The following UBE3D variants were observed in gnomAD, a reference collection of about 807,000 sequenced individuals.
UBE3D encodes the protein E3 ubiquitin-protein ligase E3D.
Under a neutral mutation model 49.6 loss-of-function variants are expected in UBE3D, and 48 were observed. The observed-to-expected ratio is 0.97, with a 90% CI of 0.77 to 1.23. UBE3D has a LOEUF of 1.23. Among genes scored for constraint, UBE3D ranks in the 50% most tolerant of loss-of-function variants. UBE3D has a pLI of 0.00. For missense variants in UBE3D, 452 were observed against 468.4 expected, an observed-to-expected ratio of 0.96 and a Z score of 0.32; for synonymous variants, 189 against 174.2, an observed-to-expected ratio of 1.08 and a Z score of -0.67.
At chr6:82,938,931 C>T (rs1003368244) in intron 9 of UBE3D, among the ~76,000 whole-genome samples, 1 of 152,072 alleles carries the variant, frequency 6.6e-6, no homozygotes, top group Admixed American at 6.6e-5. Context: ...CCTATAATCC[C>T]AGCTACATGG....
intron 9 of UBE3D, among the ~76,000 whole-genome samples, chr6:82,895,049 G>A (rs921700515): frequency 2.6e-5 from 4 of 152,098 alleles, no homozygotes; most frequent in South Asian, 2.1e-4. Flanking sequence ...GGCTCACAGT[G>A]GCCTGTAATC....
At chr6:83,025,469 A>G (rs946389388) in intron 5 of UBE3D, among the ~76,000 whole-genome samples, 1 of 152,248 alleles carries the variant, frequency 6.6e-6, no homozygotes, top group Admixed American at 6.5e-5. Flanking sequence ...AAATATTTTA[A>G]AATGATAAGG....
intron 8 of UBE3D, among the ~76,000 whole-genome samples, chr6:82,980,411 C>G (rs1365633967): frequency 6.6e-6 from 1 of 151,942 alleles, no homozygotes; most frequent in East Asian, 1.9e-4. Context: ...TGTCCTTTGC[C>G]CACTTTTTAA....
chr6:82,902,343 ATG>A lies in UBE3D; in HGVS notation c.1150-9303_1150-9302del, dbSNP rs377009377. Among the ~76,000 whole-genome samples, 385 of 152,342 alleles carry A rather than the reference ATG, an allele frequency of 2.5e-3. 1 individual carries two copies. Among genetic ancestry groups the A allele is most frequent in the African/African-American group, 8.9e-3 (370 of 41,580 alleles). On this transcript the variant is annotated intron_variant, in intron 9 of 9. Coordinates refer to ENST00000369747, the MANE Select transcript of UBE3D (RefSeq NM_198920.3). ...TGTTCACATAATAATCTGTACACGA[ATG>A]TTTAAGGCAGCATTATTTTAATAGC...
At chr6:82,932,263 T>C (rs1774216721) in intron 9 of UBE3D, among the ~76,000 whole-genome samples, 1 of 152,168 alleles carries the variant, frequency 6.6e-6, no homozygotes, top group African/African-American at 2.4e-5. Flanking sequence ...TACAGTATCA[T>C]ATAGAGTAGT....
chr6:83,061,725 G>A (rs143288894), intron 1 of UBE3D, among the ~76,000 whole-genome samples: 88 of 152,322 alleles, frequency 5.8e-4, no homozygotes, highest in African/African-American at 1.9e-3. Context: ...AAGGTCATAC[G>A]TGGTGAAAGT....
chr6:82,972,136 A>C (rs549997327), intron 8 of UBE3D, among the ~76,000 whole-genome samples: 1 of 152,304 alleles, frequency 6.6e-6, no homozygotes, highest in African/African-American at 2.4e-5. Context: ...ATGCAACCAC[A>C]GAGTTCCATT....
At chr6:83,025,345 T>C (rs865839306) in intron 5 of UBE3D, among the ~76,000 whole-genome samples, 1 of 152,020 alleles carries the variant, frequency 6.6e-6, no homozygotes, top group African/African-American at 2.4e-5. Context: ...TTAATAGACA[T>C]AAATGTAAAC....
intron 1 of UBE3D, among the ~76,000 whole-genome samples, chr6:83,059,528 A>T (rs1290210098): frequency 6.6e-6 from 1 of 152,198 alleles, no homozygotes; most frequent in Non-Finnish European, 1.5e-5. Context: ...TACCTCAATG[A>T]CTTTCAAACT....
chr6:82,881,655 T>C, the UBE3D span, among the ~76,000 whole-genome samples: 1 of 152,140 alleles, frequency 6.6e-6, no homozygotes. Flanking sequence ...TCTACTGCTT[T>C]TTCCTCCTCT....
At position 82,957,306 on chromosome 6, in the gene UBE3D, G is replaced by A. The variant is rs1298927837; in HGVS notation, c.1149+6C>T. The A allele has an allele frequency of 6.2e-7, 1 of 1,611,442 alleles. No homozygotes were observed. The highest frequency in any genetic ancestry group is 1.3e-5 in the African/African-American group (1 of 74,808). ...ATCACGGCCTAGAAAAGAAGCCATT[G>A]CTCACCTGAAAGGAATTCACACGGC... On this transcript the variant is annotated splice_donor_region_variant and intron_variant, in intron 9 of 9. Coordinates refer to ENST00000369747, the MANE Select transcript of UBE3D (RefSeq NM_198920.3).
chr6:82,901,535 A>G (rs897966873), intron 9 of UBE3D, among the ~76,000 whole-genome samples: 6 of 152,204 alleles, frequency 3.9e-5, no homozygotes, highest in African/African-American at 1.4e-4. Flanking sequence ...GATGCCTGCT[A>G]GGTTTGAGAG....
chr6:82,921,797 G>C (rs1773363344), intron 9 of UBE3D, among the ~76,000 whole-genome samples: 1 of 152,170 alleles, frequency 6.6e-6, no homozygotes, highest in African/African-American at 2.4e-5. Flanking sequence ...GAGAACATGA[G>C]CTTGCCATCA....
intron 8 of UBE3D, among the ~76,000 whole-genome samples, chr6:82,984,459 T>G (rs989431997): frequency 1.3e-5 from 2 of 152,216 alleles, no homozygotes; most frequent in African/African-American, 4.8e-5. Context: ...TAAATGCACA[T>G]GTAATTTTTG....
At chr6:82,933,070 G>C (rs1034346232) in intron 9 of UBE3D, among the ~76,000 whole-genome samples, 18 of 152,000 alleles carry the variant, frequency 1.2e-4, no homozygotes, top group Non-Finnish European at 2.5e-4. Flanking sequence ...AGCAGATTTG[G>C]GTTTTTTTGG....
In UBE3D at chr6:82,986,695, C is replaced by T. The variant is rs376229972; in HGVS notation, c.1011-29245G>A. On this transcript the variant is annotated intron_variant, in intron 8 of 9. Transcript: ENST00000369747. ...TATACATATATCTTTTATACATATG[C>T]GTGATTATACATATATTTATATTTT... is the stretch of plus-strand genomic sequence containing the variant. 5.5e-5 allele frequency among the ~76,000 whole-genome samples: 8 copies of T among 146,684 alleles called. No individual in the cohort carries two copies. In the East Asian group the frequency reaches 7.9e-4, roughly 15 times the overall value.
intron 9 of UBE3D, among the ~76,000 whole-genome samples, chr6:82,920,932 A>G (rs1773285785): frequency 7.2e-6 from 1 of 139,144 alleles, no homozygotes; most frequent in Non-Finnish European, 1.5e-5. Flanking sequence ...ATAGAAAACT[A>G]AAAATGCTGA....
chr6:82,906,938 T>A (rs900984396), intron 9 of UBE3D, among the ~76,000 whole-genome samples: 1 of 152,180 alleles, frequency 6.6e-6, no homozygotes, highest in African/African-American at 2.4e-5. Flanking sequence ...CATGAGTCCC[T>A]CCCTTTTCCA....
chr6:83,020,137 A>G (rs1011557325), intron 7 of UBE3D, among the ~76,000 whole-genome samples: 32 of 152,242 alleles, frequency 2.1e-4, no homozygotes, highest in Non-Finnish European at 4.4e-4. Flanking sequence ...ACAAATTCTT[A>G]TATTACATTA....
Sources: gnomAD v4.1 joint callset for allele counts (sites outside exome capture counted in the v4.1 genomes callset) on GRCh38, gnomAD v4.1.1 for gene constraint, MANE v1.5 for transcripts, NCBI Gene and HGNC (gene_info 2026-07-23, HGNC 2026-07-21) for gene names.